The following ANKRD22 variants were observed in gnomAD, a reference collection of about 807,000 sequenced individuals.
ANKRD22 encodes the protein ankyrin repeat domain 22.
ANKRD22 carries 24 observed loss-of-function variants against 25.7 expected under a neutral mutation model. The observed-to-expected ratio is 0.93, with a 90% CI of 0.68 to 1.31. ANKRD22 has a LOEUF of 1.31. Ranked by LOEUF, ANKRD22 falls within the 50% of genes most tolerant of loss-of-function variation. The probability of loss-of-function intolerance (pLI) is 0.00; values close to 1 mark genes in which losing one functional copy is unlikely to be tolerated. For missense variants in ANKRD22, 214 were observed against 227.1 expected (o/e 0.94, Z 0.37); for synonymous variants, 84 against 84.3 (o/e 1.00, Z 0.02).
At chr10:88,832,845 G>T (rs973549318) in intron 1 of ANKRD22, among the ~76,000 whole-genome samples, 2 of 152,134 alleles carry the variant, frequency 1.3e-5, no homozygotes, top group Non-Finnish European at 2.9e-5. Context: ...CTCGACTTCT[G>T]TTCTTCAAAG....
intron 1 of ANKRD22, among the ~76,000 whole-genome samples, chr10:88,843,970 T>A (rs1408691766): frequency 6.6e-6 from 1 of 152,084 alleles, no homozygotes; most frequent in Non-Finnish European, 1.5e-5. Flanking sequence ...GACTCTCAAA[T>A]CCACTTTCAT....
chr10:88,846,951 A>G (rs1291222796), intron 1 of ANKRD22, among the ~76,000 whole-genome samples: 2 of 152,200 alleles, frequency 1.3e-5, no homozygotes, highest in Non-Finnish European at 2.9e-5. Flanking sequence ...CACTACAAAT[A>G]TTTGAAAATT....
At chr10:88,834,943 A>C (rs895667219) in intron 1 of ANKRD22, among the ~76,000 whole-genome samples, 2 of 151,492 alleles carry the variant, frequency 1.3e-5, no homozygotes, top group Non-Finnish European at 2.9e-5. Flanking sequence ...AAAGAAAAAA[A>C]AAGAAAGAAA....
intron 2 of ANKRD22, among the ~76,000 whole-genome samples, chr10:88,831,092 A>G (rs906077910): frequency 9.2e-5 from 14 of 152,210 alleles, no homozygotes; most frequent in African/African-American, 3.4e-4. Flanking sequence ...CTCGCCTTGA[A>G]TGCATATAAG....
Position 88,832,026 on chromosome 10 carries a change from G to C in ANKRD22, c.22C>G (p.Pro8Ala). ...TTCTGATAGGCTGCTTGGCAGATGG[G>C]CTGGGTCGGGAAAAACAAAAGCAGG... is the stretch of plus-strand genomic sequence containing the variant. Reference protein sequence around the residue: MGILYSEPICQAAYQNDF... With the variant: MGILYSEAICQAAYQNDF... Residue 8 changes from proline (P) to alanine (A), a missense_variant and splice_region_variant, in exon 2 of 6, where the codon CCC (proline) becomes GCC (alanine). Physicochemically the swap from Pro to Ala is conservative, Grantham distance 27. Coordinates refer to ENST00000371930, the MANE Select transcript of ANKRD22 (RefSeq NM_144590.3). 1 of 1,589,784 alleles carries C rather than the reference G, an allele frequency of 6.3e-7. No homozygotes were observed. The highest frequency in any genetic ancestry group is 2.2e-5 in the East Asian group (1 of 44,560).
At chr10:88,848,770 G>A (rs1371599478) in intron 1 of ANKRD22, among the ~76,000 whole-genome samples, 1 of 152,116 alleles carries the variant, frequency 6.6e-6, no homozygotes, top group African/African-American at 2.4e-5. Flanking sequence ...TCAGTCCAAT[G>A]GCCATTCAAT....
At chr10:88,837,219 T>TA (rs1177903568) in intron 1 of ANKRD22, among the ~76,000 whole-genome samples, 1 of 152,244 alleles carries the variant, frequency 6.6e-6, no homozygotes, top group Non-Finnish European at 1.5e-5. Context: ...CCTAGACTCT[T>TA]CATGCTAAGT....
intron 1 of ANKRD22, among the ~76,000 whole-genome samples, chr10:88,848,774 A>G (rs956027870): frequency 2.0e-4 from 30 of 152,166 alleles, no homozygotes; most frequent in African/African-American, 7.2e-4. Context: ...TCCAATGGCC[A>G]TTCAATTAGT....
At chr10:88,841,216 G>T (rs1001149974) in intron 1 of ANKRD22, among the ~76,000 whole-genome samples, 1 of 152,052 alleles carries the variant, frequency 6.6e-6, no homozygotes, top group Non-Finnish European at 1.5e-5. Context: ...GAGGAGTAAG[G>T]GTGGAGGAAG....
intron 1 of ANKRD22, among the ~76,000 whole-genome samples, chr10:88,848,296 G>A (rs1844072532): frequency 6.6e-6 from 1 of 151,488 alleles, no homozygotes; most frequent in Non-Finnish European, 1.5e-5. Context: ...ATGGATGGGT[G>A]AATGAATAAA....
At chr10:88,827,692 A>G (rs192505519) in intron 3 of ANKRD22, among the ~76,000 whole-genome samples, 116 of 152,376 alleles carry the variant, frequency 7.6e-4, no homozygotes, top group Non-Finnish European at 5.9e-5. Flanking sequence ...TAGTTCCTCA[A>G]ATTCTGTGGC....
chr10:88,850,877 T>A (rs1490961397), intron 1 of ANKRD22, among the ~76,000 whole-genome samples: 1 of 152,090 alleles, frequency 6.6e-6, no homozygotes, highest in African/African-American at 2.4e-5. Context: ...GAAATGCAGA[T>A]TAACCAGTTA....
chr10:88,841,919 C>A (rs1192502758), intron 1 of ANKRD22, among the ~76,000 whole-genome samples: 1 of 152,116 alleles, frequency 6.6e-6, no homozygotes, highest in East Asian at 1.9e-4. Flanking sequence ...CCACAGCTGT[C>A]CAATTCCTGA....
rs185028287 is a variant in ANKRD22 at position 88,831,590 on chromosome 10, T to C, written c.213+245A>G. 9.2e-4 allele frequency among the ~76,000 whole-genome samples: 140 copies of C among 152,296 alleles called. 2 individuals are homozygous for C. The South Asian group carries it at 0.014, about 15-fold the overall frequency. On this transcript the variant is annotated intron_variant, in intron 2 of 5. Transcript: ENST00000371930. The stretch of plus-strand genomic sequence containing the variant: ...AAGAAGCTCTATCCAGCCAAATAAG[T>C]GAACCAGAGGTAAAAAGACATAATT...
At chr10:88,825,009 T>A (rs74980651) in intron 4 of ANKRD22, among the ~76,000 whole-genome samples, 50,191 of 131,506 alleles carry the variant, frequency 0.38, 9,196 homozygotes, top group African/African-American at 0.42. Context: ...TCTCTCTCTC[T>A]CTCACACACA....
chr10:88,822,528 G>A lies in ANKRD22; in HGVS notation c.*413C>T, dbSNP rs1035781420. On this transcript the variant is annotated 3_prime_UTR_variant, in exon 6 of 6. Coordinates refer to ENST00000371930, the MANE Select transcript of ANKRD22 (RefSeq NM_144590.3). ...GATCCTCTTCTTCAGGAAAGACTGA[G>A]TTTGGAACACCAGGGCTTTTTTTTT... is the stretch of plus-strand genomic sequence containing the variant. 2 of 54,716 alleles carry A rather than the reference G, an allele frequency of 3.7e-5. No individual in the cohort carries two copies. The highest frequency in any genetic ancestry group is 1.0e-4 in the African/African-American group (2 of 19,380). 3.4% of individuals were successfully genotyped at this position (54,716 alleles called of 1,614,324 possible).
At chr10:88,825,929 TA>T in intron 4 of ANKRD22, 108 bp downstream of exon 4, 1 of 933,776 alleles carries the variant, frequency 1.1e-6, no homozygotes, top group Non-Finnish European at 1.6e-6. Flanking sequence ...AAAAGAAAAC[TA>T]AATGTAAAAT....
At chr10:88,842,372 C>A (rs983024891) in intron 1 of ANKRD22, among the ~76,000 whole-genome samples, 39 of 152,216 alleles carry the variant, frequency 2.6e-4, no homozygotes, top group African/African-American at 8.9e-4. Flanking sequence ...ATACTCTGGT[C>A]TATCTAACTC....
Position 88,822,997 on chromosome 10 carries a change from T to C in ANKRD22, c.520A>G (p.Ile174Val). The change falls in exon 6 of 6, where the codon ATT becomes GTT. Residue 174 changes from isoleucine to valine, a missense_variant. By Grantham distance (29) the Ile-to-Val change is conservative. Coordinates refer to ENST00000371930, the MANE Select transcript of ANKRD22 (RefSeq NM_144590.3). ...KNKHGESSLD[I>V]ARRLKFSQIE... ...TGGGAAAATTTTAATCTCCGTGCAATATCCAGTGAGCTCTCACCATGCTGA... is the reference window on the plus strand; with the variant it reads ...TGGGAAAATTTTAATCTCCGTGCAACATCCAGTGAGCTCTCACCATGCTGA... 1.2e-6 allele frequency: 2 copies of C among 1,613,474 alleles called. No individual in the cohort carries two copies. The highest frequency in any genetic ancestry group is 1.7e-6 in the Non-Finnish European group (2 of 1,179,498).
Sources: allele counts gnomAD v4.1 joint callset (sites outside exome capture counted in the v4.1 genomes callset), GRCh38; gene constraint gnomAD v4.1.1; transcripts MANE v1.5; gene names NCBI Gene and HGNC (gene_info 2026-07-23, HGNC 2026-07-21).